The following G6PC2 variants were observed in gnomAD, a reference collection of about 807,000 sequenced individuals.
G6PC2 encodes glucose-6-phosphatase catalytic subunit 2.
A neutral mutation model predicts 35.4 loss-of-function variants in G6PC2; 41 were observed. That is an observed-to-expected ratio of 1.16 (90% confidence interval 0.90 to 1.50). The LOEUF is 1.50. Ranked by LOEUF, G6PC2 falls within the 40% of genes most tolerant of loss-of-function variation. The probability of loss-of-function intolerance (pLI) is 0.00; values close to 1 mark genes in which losing one functional copy is unlikely to be tolerated. For synonymous variants in G6PC2, 165 were observed against 153.2 expected (o/e 1.08, Z -0.57); for missense variants, 441 against 426.5 (o/e 1.03, Z -0.30).
At chr2:168,903,106 T>G (rs559717685) in intron 2 of G6PC2, 2 of 153,990 alleles carry the variant, frequency 1.3e-5, no homozygotes, top group African/African-American at 4.8e-5. Flanking sequence ...GCCACTTCTT[T>G]TTTATTCTAG....
chr2:168,905,490 C>T (rs1001887616), intron 3 of G6PC2, among the ~76,000 whole-genome samples: 2 of 152,126 alleles, frequency 1.3e-5, no homozygotes, highest in Admixed American at 6.5e-5. Context: ...AAAGTTTATT[C>T]TAATGAGACT....
chr2:168,908,142 A>G lies in G6PC2; in HGVS notation c.*63A>G. On this transcript the variant is annotated 3_prime_UTR_variant, in exon 5 of 5. Transcript: ENST00000375363. Reference sequence around the variant, plus strand: ...CCCTTCTCCATCCACCAGTAGAGCCACAGAGTAGGCACAGACCAGAGGCTT... The same window carrying G: ...CCCTTCTCCATCCACCAGTAGAGCCGCAGAGTAGGCACAGACCAGAGGCTT... 1 of 1,352,522 alleles carries G rather than the reference A, an allele frequency of 7.4e-7. No homozygotes were observed. Among genetic ancestry groups the G allele is most frequent in the Non-Finnish European group, 1.1e-6 (1 of 945,402 alleles). The allele number at this position is 1,352,522 out of a possible 1,614,324, so 83.8% of individuals were successfully genotyped here.
At position 168,903,335 on chromosome 2, in the gene G6PC2, G is replaced by C. The variant is rs542100384; in HGVS notation, c.328+781G>C. On this transcript the variant is annotated intron_variant, in intron 2 of 4. Transcript: ENST00000375363. ...AGTAGAGAATGTGTAAATTCTTAAT[G>C]AGTGTTCTGAATATGTCTTTTTTGT... Among the ~76,000 whole-genome samples, 10 of 152,306 alleles carry C rather than the reference G, an allele frequency of 6.6e-5. No homozygotes were observed. In the South Asian group the frequency reaches 1.9e-3, roughly 28 times the overall value.
At chr2:168,906,075 C>CAAAA (rs11320926) in intron 3 of G6PC2, among the ~76,000 whole-genome samples, 18 of 121,506 alleles carry the variant, frequency 1.5e-4, no homozygotes, top group South Asian at 5.3e-4. Context: ...TTCTGTGTCT[C>CAAAA]AAAAAAAAAA....
At position 168,908,173 on chromosome 2, in the gene G6PC2, C is replaced by T; in HGVS notation, c.*94C>T. The T allele has an allele frequency of 9.6e-7, 1 of 1,043,214 alleles. No individual in the cohort carries two copies. Among genetic ancestry groups the T allele is most frequent in the East Asian group, 2.4e-5 (1 of 42,430 alleles). 64.6% of individuals were successfully genotyped at this position (1,043,214 alleles called of 1,614,324 possible). A position where few individuals can be genotyped will look rare whatever the true frequency, so the allele number is the denominator to read the frequency against. The stretch of plus-strand genomic sequence containing the variant: ...TAGGCACAGACCAGAGGCTTCTAAT[C>T]CGACTTCACAGAATAGCGGCACAGG... On this transcript the variant is annotated 3_prime_UTR_variant, in exon 5 of 5. Coordinates refer to ENST00000375363, the MANE Select transcript of G6PC2 (RefSeq NM_021176.3).
intron 3 of G6PC2, among the ~76,000 whole-genome samples, chr2:168,904,979 A>G (rs1690676505): frequency 6.6e-6 from 1 of 152,232 alleles, no homozygotes; most frequent in Non-Finnish European, 1.5e-5. Flanking sequence ...TTTAAAATTA[A>G]CTGGAAGTTT....
intron 3 of G6PC2, 146 bp from the exon 4 acceptor site, chr2:168,906,518 C>T (rs1690714879): frequency 1.5e-6 from 1 of 668,906 alleles, no homozygotes; most frequent in Non-Finnish European, 2.7e-6. Flanking sequence ...GTGGAAACAA[C>T]ATTTTGAAAA....
intron 4 of G6PC2, 88 bp from the exon 5 acceptor site, chr2:168,907,480 C>A: frequency 7.6e-7 from 1 of 1,320,682 alleles, no homozygotes; most frequent in Non-Finnish European, 1.1e-6. Context: ...TCATTGAAAA[C>A]TGTGGCAAAT....
intron 3 of G6PC2, among the ~76,000 whole-genome samples, chr2:168,905,210 G>A (rs1199208188): frequency 6.6e-6 from 1 of 152,052 alleles, no homozygotes; most frequent in Non-Finnish European, 1.5e-5. Context: ...GAACTTAAAG[G>A]TTACTCACAG....
At chr2:168,906,080 A>C (rs75739013) in intron 3 of G6PC2, among the ~76,000 whole-genome samples, 2,897 of 148,470 alleles carry the variant, frequency 0.02, 34 homozygotes, top group Middle Eastern at 0.031. Flanking sequence ...TGTCTCAAAA[A>C]AAAAAAAACA....
At chr2:168,907,431 T>G (rs1690736643) in intron 4 of G6PC2, 137 bp from the exon 5 acceptor site, 5 of 910,082 alleles carry the variant, frequency 5.5e-6, no homozygotes, top group Non-Finnish European at 9.0e-6. Context: ...AAAAAAGGCT[T>G]TGGAAAATGG....
chr2:168,901,464 CTT>C lies in G6PC2; in HGVS notation c.135_136del (p.Cys46PhefsTer4), dbSNP rs761436513. ...PRNIFFIYFP[L>X]CFQFNQTVGT... ...GAATATCTTTTTCATTTATTTTCCACTTTGTTTTCAATTTAATCAGACAGTTG... is the reference window on the plus strand; with the variant it reads ...GAATATCTTTTTCATTTATTTTCCACTGTTTTCAATTTAATCAGACAGTTG... On this transcript the variant is annotated frameshift_variant, in exon 1 of 5. Transcript: ENST00000375363. LOFTEE classifies it high-confidence loss of function. 2.1e-5 allele frequency: 34 copies of C among 1,602,228 alleles called. No homozygotes were observed. The Admixed American group carries it at 5.5e-4, about 26-fold the overall frequency.
intron 2 of G6PC2, among the ~76,000 whole-genome samples, chr2:168,903,307 G>C (rs1479435777): frequency 1.3e-5 from 2 of 152,076 alleles, no homozygotes; most frequent in African/African-American, 4.8e-5. Context: ...TTGAGTAAAG[G>C]GTAGTAGAGA....
intron 1 of G6PC2, among the ~76,000 whole-genome samples, chr2:168,901,964 G>T (rs1389226280): frequency 6.6e-6 from 1 of 152,034 alleles, no homozygotes; most frequent in African/African-American, 2.4e-5. Flanking sequence ...TCTAACTCCC[G>T]ACCTCAGGTG....
chr2:168,904,490 A>G lies in G6PC2; in HGVS notation c.329-15A>G. 1 of 1,367,032 alleles carries G rather than the reference A, an allele frequency of 7.3e-7. No homozygotes were observed. Among genetic ancestry groups the G allele is most frequent in the Non-Finnish European group, 1.0e-6 (1 of 954,406 alleles). The allele number at this position is 1,367,032 out of a possible 1,614,324, so 84.7% of individuals were successfully genotyped here. A position where few individuals can be genotyped will look rare whatever the true frequency, so the allele number is the denominator to read the frequency against. Reference sequence around the variant, plus strand: ...TTAACCACTTTTCAAATGGACGGACACTTTGTTGTTGCAGGAAGTCCATCT... The same window carrying G: ...TTAACCACTTTTCAAATGGACGGACGCTTTGTTGTTGCAGGAAGTCCATCT... On this transcript the variant is annotated splice_polypyrimidine_tract_variant and intron_variant, in intron 2 of 4. Transcript: ENST00000375363.
Position 168,907,549 on chromosome 2 carries a change from G to T in G6PC2, c.557-19G>T. 6.2e-7 allele frequency: 1 copy of T among 1,613,034 alleles called. No homozygotes were observed. Among genetic ancestry groups the T allele is most frequent in the Non-Finnish European group, 8.5e-7 (1 of 1,179,074 alleles). On this transcript the variant is annotated intron_variant, in intron 4 of 4. Transcript: ENST00000375363. Reference sequence around the variant, plus strand: ...TCAAGGGCACACAGTCATTGTCAGTGTCTCTTTCCAATCCTCAGGCATGCT... The same window carrying T: ...TCAAGGGCACACAGTCATTGTCAGTTTCTCTTTCCAATCCTCAGGCATGCT...
chr2:168,904,962 C>A (rs890958558), intron 3 of G6PC2, among the ~76,000 whole-genome samples: 6 of 152,152 alleles, frequency 3.9e-5, no homozygotes, highest in African/African-American at 7.2e-5. Flanking sequence ...CATGCACATT[C>A]CCTTGCTTTA....
At position 168,904,531 on chromosome 2, in the gene G6PC2, G is replaced by A. The variant is rs191279338; in HGVS notation, c.355G>A (p.Ala119Thr). Residue 119 changes from alanine (A) to threonine (T), a missense_variant, in exon 3 of 5, where the codon GCA becomes ACA. Transcript: ENST00000375363. Reference sequence around the variant, plus strand: ...AAGTCCATCTGGCCATGCAATGGGCGCATCCTGTGTCTGGTATGTCATGGT... The same window carrying A: ...AAGTCCATCTGGCCATGCAATGGGCACATCCTGTGTCTGGTATGTCATGGT... Reference protein sequence around the residue: ...PGSPSGHAMGASCVWYVMVTA... With the variant: ...PGSPSGHAMGTSCVWYVMVTA... 8.0e-5 allele frequency: 128 copies of A among 1,609,034 alleles called. 2 individuals are homozygous for A. In the East Asian group the frequency reaches 1.2e-3, roughly 15 times the overall value.
chr2:168,903,936 A>G (rs1690654598), intron 2 of G6PC2, among the ~76,000 whole-genome samples: 1 of 152,138 alleles, frequency 6.6e-6, no homozygotes, highest in African/African-American at 2.4e-5. Context: ...TGCAGTGGCC[A>G]CAAGATAGGC....
Sources: gnomAD v4.1 joint callset for allele counts (sites outside exome capture counted in the v4.1 genomes callset) on GRCh38, gnomAD v4.1.1 for gene constraint, MANE v1.5 for transcripts, NCBI Gene and HGNC (gene_info 2026-07-23, HGNC 2026-07-21) for gene names.